ZBTB20: variants seen among roughly 807,000 people sequenced by gnomAD.
ZBTB20 encodes the protein zinc finger and BTB domain-containing protein 20.
A neutral mutation model predicts 56.9 loss-of-function variants in ZBTB20; 9 were observed. That is an observed-to-expected ratio of 0.16 (90% CI 0.10 to 0.28). The LOEUF is 0.28. Ranked by LOEUF, ZBTB20 falls within the 10% of genes least tolerant of loss-of-function variation. The pLI is 1.00. For missense variants in ZBTB20, 655 were observed against 1,003.0 expected, an observed-to-expected ratio of 0.65 and a Z score of 4.69; for synonymous variants, 417 against 420.7, an observed-to-expected ratio of 0.99 and a Z score of 0.11.
chr3:114,621,671 C>T (rs2058329018), intron 6 of ZBTB20, among the ~76,000 whole-genome samples: 1 of 152,066 alleles, frequency 6.6e-6, no homozygotes, highest in Non-Finnish European at 1.5e-5. Context: ...GAAGTACTTA[C>T]AGCTAAAATA....
At position 114,831,349 on chromosome 3, in the gene ZBTB20, G is replaced by A. The variant is rs201314679; in HGVS notation, c.-416-30175C>T. Among the ~76,000 whole-genome samples, 5 of 151,760 alleles carry A rather than the reference G, an allele frequency of 3.3e-5. No homozygotes were observed. The South Asian group carries it at 1.0e-3, about 32-fold the overall frequency. ...TCCAGGCTTTACCAATTAATGGCTC[G>A]ATTTCCTTGGTGAATATATTTAAAG... On this transcript the variant is annotated intron_variant, in intron 4 of 11. Coordinates refer to ENST00000675478, the MANE Select transcript of ZBTB20 (RefSeq NM_001348800.3).
At chr3:114,810,676 T>C (rs2072453143) in intron 4 of ZBTB20, among the ~76,000 whole-genome samples, 1 of 152,190 alleles carries the variant, frequency 6.6e-6, no homozygotes, top group Non-Finnish European at 1.5e-5. Context: ...ATTTATGACC[T>C]TTTAATCTAT....
intron 1 of ZBTB20, among the ~76,000 whole-genome samples, chr3:115,073,774 C>A (rs2082497335): frequency 6.6e-6 from 1 of 151,390 alleles, no homozygotes; most frequent in Non-Finnish European, 1.5e-5. Flanking sequence ...TAAAATTTAA[C>A]TCAAAATAAA....
chr3:115,043,540 G>A (rs1666424128), intron 2 of ZBTB20, among the ~76,000 whole-genome samples: 3 of 150,640 alleles, frequency 2.0e-5, no homozygotes, highest in Non-Finnish European at 4.4e-5. Flanking sequence ...CTACACTCCA[G>A]CCTGGGCAAC....
intron 6 of ZBTB20, among the ~76,000 whole-genome samples, chr3:114,535,043 G>C (rs1577356413): frequency 6.6e-6 from 1 of 152,290 alleles, no homozygotes; most frequent in East Asian, 1.9e-4. Flanking sequence ...AAACAGGAAA[G>C]ATCTAAAATT....
chr3:115,053,136 C>T (rs1358693206), intron 2 of ZBTB20, among the ~76,000 whole-genome samples: 1 of 152,124 alleles, frequency 6.6e-6, no homozygotes, highest in Admixed American at 6.6e-5. Flanking sequence ...AAGTACAAAA[C>T]AAAGCCTATG....
intron 6 of ZBTB20, among the ~76,000 whole-genome samples, chr3:114,593,006 A>G (rs2055935195): frequency 6.6e-6 from 1 of 152,174 alleles, no homozygotes; most frequent in African/African-American, 2.4e-5. Context: ...CCAGGCCACT[A>G]TGACATAGGG....
At chr3:114,575,859 T>G (rs1348318746) in intron 6 of ZBTB20, among the ~76,000 whole-genome samples, 1 of 152,188 alleles carries the variant, frequency 6.6e-6, no homozygotes, top group Non-Finnish European at 1.5e-5. Context: ...GGACCTAACT[T>G]TGATAGAAGC....
intron 3 of ZBTB20, among the ~76,000 whole-genome samples, chr3:114,912,655 T>G (rs1441117816): frequency 6.6e-6 from 1 of 151,934 alleles, no homozygotes; most frequent in East Asian, 1.9e-4. Context: ...ATTAAATTAT[T>G]TTTGACTAGT....
rs189889237 is a variant in ZBTB20 at position 114,632,920 on chromosome 3, G to A, written c.-295+60608C>T. On this transcript the variant is annotated intron_variant, in intron 6 of 11. Transcript: ENST00000675478. ...TTCTTCAGCCAGACCAGTGCAGTGC[G>A]CACCTGTTTAAACATTCAACTGTGC... 1.4e-4 allele frequency among the ~76,000 whole-genome samples: 21 copies of A among 152,200 alleles called. No homozygotes were observed. In the East Asian group the frequency reaches 2.9e-3, roughly 21 times the overall value.
At position 114,762,203 on chromosome 3, in the gene ZBTB20, G is replaced by C. The variant is rs150000179; in HGVS notation, c.-343+38898C>G. ...ATAGAAAAAATTCTTGTTTTTCCAAGTGATTAATACAATATTACATTGTAT... is the reference window on the plus strand; with the variant it reads ...ATAGAAAAAATTCTTGTTTTTCCAACTGATTAATACAATATTACATTGTAT... On this transcript the variant is annotated intron_variant, in intron 5 of 11. Transcript: ENST00000675478. Among the ~76,000 whole-genome samples, 9 of 152,286 alleles carry C rather than the reference G, an allele frequency of 5.9e-5. No individual in the cohort carries two copies. In the East Asian group the frequency reaches 1.5e-3, roughly 26 times the overall value.
chr3:114,781,915 C>A (rs943897580), intron 5 of ZBTB20, among the ~76,000 whole-genome samples: 15 of 152,186 alleles, frequency 9.9e-5, no homozygotes, highest in African/African-American at 1.4e-4. Context: ...GTGAGGTCTA[C>A]CCAGCCACGT....
At chr3:114,522,065 T>C (rs2046702644) in intron 6 of ZBTB20, among the ~76,000 whole-genome samples, 1 of 152,038 alleles carries the variant, frequency 6.6e-6, no homozygotes, top group Admixed American at 6.6e-5. Flanking sequence ...CTCACAATCA[T>C]GGGGCTTATA....
At chr3:115,097,284 T>C (rs1037723506) in intron 1 of ZBTB20, among the ~76,000 whole-genome samples, 1 of 152,084 alleles carries the variant, frequency 6.6e-6, no homozygotes, top group African/African-American at 2.4e-5. Context: ...GTTCAAGGGA[T>C]TCTCCTGCCT....
chr3:114,549,475 AC>A (rs1311464911), intron 6 of ZBTB20, among the ~76,000 whole-genome samples: 6 of 152,166 alleles, frequency 3.9e-5, no homozygotes, highest in African/African-American at 1.4e-4. Flanking sequence ...TGGTAATATT[AC>A]TGGTACCACA....
chr3:114,594,331 A>T (rs1450428117), intron 6 of ZBTB20, among the ~76,000 whole-genome samples: 6 of 141,764 alleles, frequency 4.2e-5, no homozygotes, highest in African/African-American at 1.3e-4. Context: ...CAGTGGTGCG[A>T]TCTCAGCTCA....
chr3:114,415,450 C>T (rs2088440397), intron 7 of ZBTB20, among the ~76,000 whole-genome samples: 1 of 152,030 alleles, frequency 6.6e-6, no homozygotes, highest in East Asian at 1.9e-4. Context: ...ACTGTCTAGG[C>T]CTAAATGCCT....
chr3:114,703,418 TTGAA>T (rs2063515536), intron 5 of ZBTB20, among the ~76,000 whole-genome samples: 1 of 152,114 alleles, frequency 6.6e-6, no homozygotes, highest in South Asian at 2.1e-4. Context: ...TTTAGCTTCT[TTGAA>T]TGTTCCTACA....
chr3:114,625,540 T>A (rs72952601), intron 6 of ZBTB20, among the ~76,000 whole-genome samples: 3,293 of 152,244 alleles, frequency 0.022, 110 homozygotes, highest in African/African-American at 0.075. Flanking sequence ...GGTGTACATT[T>A]GGGTTAATAG....
Sources: gnomAD v4.1 joint callset for allele counts (sites outside exome capture counted in the v4.1 genomes callset) on GRCh38, gnomAD v4.1.1 for gene constraint, MANE v1.5 for transcripts, NCBI Gene and HGNC (gene_info 2026-07-23, HGNC 2026-07-21) for gene names.